GABRG1: variants seen among roughly 807,000 people sequenced by gnomAD.
GABRG1 encodes gamma-aminobutyric acid type A receptor subunit gamma1.
In GABRG1, 49 loss-of-function variants were observed where a neutral mutation model predicts 49.8. That is an observed-to-expected ratio of 0.98 (90% CI 0.78 to 1.25). The LOEUF (loss-of-function observed/expected upper bound fraction) is 1.25, where lower values mean the gene tolerates loss of function less well. GABRG1 is among the 50% of genes most tolerant of loss of function. The pLI is 0.00. For missense variants in GABRG1, 552 were observed against 552.3 expected (o/e 1.00, Z 0.01); for synonymous variants, 232 against 185.1 (o/e 1.25, Z -2.06).
At chr4:46,115,292 A>G (rs1192141973) in intron 1 of GABRG1, among the ~76,000 whole-genome samples, 1 of 150,748 alleles carries the variant, frequency 6.6e-6, no homozygotes. Context: ...GATGTATCCC[A>G]AAAATACAAT....
intron 7 of GABRG1, among the ~76,000 whole-genome samples, chr4:46,051,875 A>G (rs967885788): frequency 1.3e-5 from 2 of 151,892 alleles, no homozygotes; most frequent in East Asian, 1.9e-4. Flanking sequence ...CCTGATATCC[A>G]TTCTTCCCTT....
At chr4:46,073,609 A>G (rs1279058457) in intron 3 of GABRG1, among the ~76,000 whole-genome samples, 1 of 152,142 alleles carries the variant, frequency 6.6e-6, no homozygotes, top group South Asian at 2.1e-4. Context: ...TAAGTATGAA[A>G]CATAGTATGG....
intron 1 of GABRG1, among the ~76,000 whole-genome samples, chr4:46,099,046 C>T (rs969708789): frequency 2.0e-4 from 30 of 151,634 alleles, no homozygotes; most frequent in South Asian, 4.2e-4. Flanking sequence ...ATTATTTCAT[C>T]GTTATAATAA....
intron 2 of GABRG1, among the ~76,000 whole-genome samples, chr4:46,087,153 T>A (rs1208319831): frequency 1.3e-5 from 2 of 151,680 alleles, no homozygotes; most frequent in East Asian, 3.9e-4. Context: ...GAGTTGAGTA[T>A]CCTTTCTCTA....
intron 1 of GABRG1, among the ~76,000 whole-genome samples, chr4:46,117,743 C>CATATACATACATGTATATACATATACAT (rs1290731100): frequency 1.6e-4 from 22 of 141,522 alleles, no homozygotes; most frequent in Admixed American, 5.1e-4. Flanking sequence ...TACATATACA[C>CATATACATACATGTATATACATATACAT]ATATACATAC....
intron 3 of GABRG1, 64 bp downstream of exon 3, chr4:46,083,922 C>G: frequency 1.2e-6 from 1 of 860,440 alleles, no homozygotes; most frequent in South Asian, 1.5e-5. Context: ...CATGCGAATT[C>G]TATTTTGGAG....
rs1491407033 is a variant in GABRG1 at position 46,056,150 on chromosome 4, T to TAAAAAAAAAAA, written c.916+2066_916+2067insTTTTTTTTTTT. 1.0e-3 allele frequency among the ~76,000 whole-genome samples: 46 copies of TAAAAAAAAAAA among 46,066 alleles called. 4 individuals are homozygous for TAAAAAAAAAAA. Among genetic ancestry groups the TAAAAAAAAAAA allele is most frequent in the Middle Eastern group, 0.021 (1 of 48 alleles). The allele number at this position is 46,066 out of a possible 152,430, so 30.2% of individuals were successfully genotyped here. A position where few individuals can be genotyped will look rare whatever the true frequency, so the allele number is the denominator to read the frequency against. ...AAAAAAAAAAAAATAAATAAATAAA[T>TAAAAAAAAAAA]TAAAAAAAAAAAAAAAAAAAAAAAA... is the stretch of plus-strand genomic sequence containing the variant. On this transcript the variant is annotated intron_variant, in intron 7 of 8. Coordinates refer to ENST00000295452, the MANE Select transcript of GABRG1 (RefSeq NM_173536.4).
chr4:46,061,952 T>C (rs1478552090), intron 5 of GABRG1, among the ~76,000 whole-genome samples: 2 of 151,690 alleles, frequency 1.3e-5, no homozygotes, highest in Non-Finnish European at 2.9e-5. Context: ...TGTATACATG[T>C]GCCATGCTGG....
intron 8 of GABRG1, among the ~76,000 whole-genome samples, chr4:46,044,992 G>A (rs4572913): frequency 0.9 from 137,368 of 152,120 alleles, 62,229 homozygotes; most frequent in African/African-American, 0.98. Flanking sequence ...GTCATGCCAC[G>A]CAAACACACG....
At position 46,040,938 on chromosome 4, in the gene GABRG1, T is replaced by A. The variant is rs780640412; in HGVS notation, c.*50A>T. ...TTCAAGTTACTGAAGCACAAAAGAT[T>A]CTACTGAATTTAGTCAGACTTCTTT... On this transcript the variant is annotated 3_prime_UTR_variant, in exon 9 of 9. Coordinates refer to ENST00000295452, the MANE Select transcript of GABRG1 (RefSeq NM_173536.4). 4 of 1,532,540 alleles carry A rather than the reference T, an allele frequency of 2.6e-6. No individual in the cohort carries two copies. Among genetic ancestry groups the A allele is most frequent in the Admixed American group, 3.9e-5 (2 of 50,998 alleles). 94.9% of individuals were successfully genotyped at this position (1,532,540 alleles called of 1,614,324 possible).
Position 46,039,791 on chromosome 4 carries a change from A to G in GABRG1, c.*1197T>C, listed in dbSNP as rs1301398298. 1.3e-5 allele frequency: 2 copies of G among 151,736 alleles called. No homozygotes were observed. The highest frequency in any genetic ancestry group is 2.4e-5 in the African/African-American group (1 of 41,402). 9.4% of individuals were successfully genotyped at this position (151,736 alleles called of 1,614,324 possible). A position where few individuals can be genotyped will look rare whatever the true frequency, so the allele number is the denominator to read the frequency against. ...TTAGAGAGCACTCACATTCATGTTCATTAAAGATGCCTCTAACAAAACTCC... is the reference window on the plus strand; with the variant it reads ...TTAGAGAGCACTCACATTCATGTTCGTTAAAGATGCCTCTAACAAAACTCC... On this transcript the variant is annotated 3_prime_UTR_variant, in exon 9 of 9. Transcript: ENST00000295452.
At chr4:46,069,226 A>T (rs1719028048) in intron 3 of GABRG1, among the ~76,000 whole-genome samples, 1 of 152,036 alleles carries the variant, frequency 6.6e-6, no homozygotes, top group Admixed American at 6.6e-5. Flanking sequence ...TCATCATAAA[A>T]TTTGATTGAT....
At chr4:46,062,759 C>G (rs1259782889) in intron 5 of GABRG1, among the ~76,000 whole-genome samples, 2 of 152,156 alleles carry the variant, frequency 1.3e-5, no homozygotes, top group South Asian at 4.1e-4. Context: ...CATTGTATAT[C>G]TAGAAAACCC....
chr4:46,071,559 C>T (rs1313372106), intron 3 of GABRG1, among the ~76,000 whole-genome samples: 1 of 151,152 alleles, frequency 6.6e-6, no homozygotes, highest in Non-Finnish European at 1.5e-5. Flanking sequence ...AGTAGGTATT[C>T]CAGACGACGT....
chr4:46,115,121 T>C (rs76979056), intron 1 of GABRG1, among the ~76,000 whole-genome samples: 2,911 of 150,948 alleles, frequency 0.019, 97 homozygotes, highest in African/African-American at 0.066. Context: ...ACAATCAACA[T>C]GAGAATTTAT....
At chr4:46,063,046 A>G (rs1049129180) in intron 5 of GABRG1, among the ~76,000 whole-genome samples, 1 of 150,936 alleles carries the variant, frequency 6.6e-6, no homozygotes, top group Non-Finnish European at 1.5e-5. Context: ...AGAACATTCC[A>G]TGCTCATGGG....
At chr4:46,099,796 A>G (rs16859077) in intron 1 of GABRG1, among the ~76,000 whole-genome samples, 2,441 of 151,668 alleles carry the variant, frequency 0.016, 66 homozygotes, top group African/African-American at 0.057. Flanking sequence ...CCTAAAACCC[A>G]TGGTCCTTCT....
chr4:46,112,788 G>A (rs1720760469), intron 1 of GABRG1, among the ~76,000 whole-genome samples: 1 of 151,122 alleles, frequency 6.6e-6, no homozygotes, highest in Admixed American at 6.6e-5. Flanking sequence ...GAGAGGGCAA[G>A]GAGGTATGAG....
chr4:46,105,044 A>C (rs1002808499), intron 1 of GABRG1, among the ~76,000 whole-genome samples: 20 of 151,446 alleles, frequency 1.3e-4, no homozygotes, highest in African/African-American at 4.8e-4. Flanking sequence ...TGGGCACGCT[A>C]TCCTTCCTTT....
Sources: allele counts gnomAD v4.1 joint callset (sites outside exome capture counted in the v4.1 genomes callset), GRCh38; gene constraint gnomAD v4.1.1; transcripts MANE v1.5; gene names NCBI Gene and HGNC (gene_info 2026-07-23, HGNC 2026-07-21).